The following SLC30A8 variants were observed in gnomAD, a reference collection of about 807,000 sequenced individuals.
SLC30A8 encodes the protein proton-coupled zinc antiporter SLC30A8.
SLC30A8 carries 27 observed loss-of-function variants against 36.9 expected under a neutral mutation model. That is an observed-to-expected ratio of 0.73 (90% CI 0.54 to 1.01). SLC30A8 has a LOEUF of 1.01. Ranked by LOEUF, SLC30A8 falls within the 50% of genes least tolerant of loss-of-function variation. The pLI, the probability that SLC30A8 is intolerant of heterozygous loss-of-function variation, is 0.00. For synonymous variants in SLC30A8, 164 were observed against 172.4 expected, an observed-to-expected ratio of 0.95 and a Z score of 0.38; for missense variants, 439 against 452.0, an observed-to-expected ratio of 0.97 and a Z score of 0.26.
chr8:116,964,055 C>G (rs1814518706), intron 1 of SLC30A8, among the ~76,000 whole-genome samples: 1 of 152,138 alleles, frequency 6.6e-6, no homozygotes, highest in Non-Finnish European at 1.5e-5. Context: ...CAGTGTAGTT[C>G]ACAAGGAGTT....
chr8:117,073,350 T>G (rs1818389753), intron 2 of SLC30A8, among the ~76,000 whole-genome samples: 1 of 150,098 alleles, frequency 6.7e-6, no homozygotes, highest in Non-Finnish European at 1.5e-5. Flanking sequence ...TCCTCCTGGG[T>G]TCAAGGAATT....
At chr8:117,068,973 A>C (rs1193002942) in intron 2 of SLC30A8, among the ~76,000 whole-genome samples, 1 of 152,054 alleles carries the variant, frequency 6.6e-6, no homozygotes, top group East Asian at 1.9e-4. Context: ...CTCTATCTCC[A>C]AGATTCACCC....
rs534098744 is a variant in SLC30A8, at chr8:117,173,818, G to A, written c.*1137G>A. 2 of 152,284 alleles carry A rather than the reference G, an allele frequency of 1.3e-5. No homozygotes were observed. Among genetic ancestry groups the A allele is most frequent in the East Asian group, 3.9e-4 (2 of 5,160 alleles). 9.4% of individuals were successfully genotyped at this position (152,284 alleles called of 1,614,324 possible). A position where few individuals can be genotyped will look rare whatever the true frequency, so the allele number is the denominator to read the frequency against. On this transcript the variant is annotated 3_prime_UTR_variant, in exon 8 of 8. Transcript: ENST00000456015. ...AGGAGTTCATTGAGTGGGACAGCTA[G>A]ACACATACATTGGCAGCTACAATAG...
chr8:117,116,030 G>C (rs1820428018), intron 2 of SLC30A8, among the ~76,000 whole-genome samples: 1 of 151,996 alleles, frequency 6.6e-6, no homozygotes, highest in African/African-American at 2.4e-5. Context: ...TTGTGGAGGG[G>C]AGAAGAGCTC....
At chr8:116,975,721 T>G (rs1445434253) in intron 1 of SLC30A8, among the ~76,000 whole-genome samples, 2 of 152,192 alleles carry the variant, frequency 1.3e-5, no homozygotes, top group Non-Finnish European at 2.9e-5. Flanking sequence ...ATGGAAAGAA[T>G]TGAAGCTGTG....
At chr8:117,087,636 A>AT (rs370937742) in intron 2 of SLC30A8, among the ~76,000 whole-genome samples, 18 of 151,382 alleles carry the variant, frequency 1.2e-4, no homozygotes, top group South Asian at 4.2e-4. Context: ...CCAATCTTAG[A>AT]TTTTTTTTGA....
chr8:117,120,126 A>G (rs1015429090), intron 2 of SLC30A8, among the ~76,000 whole-genome samples: 1 of 151,982 alleles, frequency 6.6e-6, no homozygotes, highest in Non-Finnish European at 1.5e-5. Context: ...AAATCCTATA[A>G]TTTGTATGGA....
upstream of SLC30A8, among the ~76,000 whole-genome samples, chr8:117,132,378 A>T (rs890137707): frequency 6.6e-6 from 1 of 152,016 alleles, no homozygotes; most frequent in Non-Finnish European, 1.5e-5. Flanking sequence ...TTCTTCAGTG[A>T]TGTTGGTGAT....
At chr8:117,052,921 T>TA (rs1817754613) in intron 2 of SLC30A8, among the ~76,000 whole-genome samples, 1 of 151,760 alleles carries the variant, frequency 6.6e-6, no homozygotes, top group Non-Finnish European at 1.5e-5. Flanking sequence ...TTTTTTTTTT[T>TA]ATTGAGACGA....
chr8:117,078,097 T>A (rs1294894242), intron 2 of SLC30A8, among the ~76,000 whole-genome samples: 1 of 152,192 alleles, frequency 6.6e-6, no homozygotes, highest in Non-Finnish European at 1.5e-5. Context: ...CAAAAGTAAT[T>A]TATGATAAAA....
chr8:117,123,492 A>G (rs1466705984), intron 2 of SLC30A8, among the ~76,000 whole-genome samples: 1 of 152,006 alleles, frequency 6.6e-6, no homozygotes, highest in Non-Finnish European at 1.5e-5. Context: ...AAATGATCAT[A>G]CTTCTTGAAA....
chr8:117,143,430 A>G (rs1003880575), intron 1 of SLC30A8, among the ~76,000 whole-genome samples: 1 of 152,270 alleles, frequency 6.6e-6, no homozygotes, highest in East Asian at 1.9e-4. Flanking sequence ...CAGATTCACA[A>G]TTCAGTGTTT....
At chr8:117,162,948 A>G (rs1285035830) in intron 5 of SLC30A8, among the ~76,000 whole-genome samples, 1 of 152,244 alleles carries the variant, frequency 6.6e-6, no homozygotes, top group Non-Finnish European at 1.5e-5. Context: ...AGAGGCAAAG[A>G]AATAAACTCA....
At chr8:116,979,010 G>C (rs1216877624) in intron 1 of SLC30A8, among the ~76,000 whole-genome samples, 1 of 151,308 alleles carries the variant, frequency 6.6e-6, no homozygotes, top group African/African-American at 2.4e-5. Context: ...GCCGAGGAGG[G>C]TGGATCACTT....
intron 1 of SLC30A8, among the ~76,000 whole-genome samples, chr8:117,014,739 CT>C (rs765474925): frequency 2.6e-5 from 4 of 152,088 alleles, no homozygotes; most frequent in Non-Finnish European, 4.4e-5. Context: ...GTCACTGCCC[CT>C]GGGAAATGAG....
chr8:116,964,496 A>G (rs1216418845), intron 1 of SLC30A8, among the ~76,000 whole-genome samples: 1 of 152,218 alleles, frequency 6.6e-6, no homozygotes, highest in Non-Finnish European at 1.5e-5. Flanking sequence ...GCCAGCTCCT[A>G]TTACATATCT....
At chr8:117,097,418 A>ATATATAT (rs764495283) in intron 2 of SLC30A8, among the ~76,000 whole-genome samples, 4 of 89,232 alleles carry the variant, frequency 4.5e-5, no homozygotes, top group African/African-American at 2.0e-4. Flanking sequence ...AAAAAAAAAA[A>ATATATAT]ATATATATAA....
intron 4 of SLC30A8, among the ~76,000 whole-genome samples, chr8:117,161,219 T>C (rs1290068017): frequency 6.6e-6 from 1 of 152,254 alleles, no homozygotes; most frequent in Non-Finnish European, 1.5e-5. Context: ...TAAGAAATCA[T>C]TCAAATTTAA....
At chr8:117,132,871 T>C (rs1821191327), upstream of SLC30A8, among the ~76,000 whole-genome samples, 1 of 152,054 alleles carries the variant, frequency 6.6e-6, no homozygotes, top group Non-Finnish European at 1.5e-5. Context: ...TCTAAATTTA[T>C]GGCAGCAAAA....
Sources: allele counts gnomAD v4.1 joint callset (sites outside exome capture counted in the v4.1 genomes callset), GRCh38; gene constraint gnomAD v4.1.1; transcripts MANE v1.5; gene names NCBI Gene and HGNC (gene_info 2026-07-23, HGNC 2026-07-21).